TTLL1: variants seen among roughly 807,000 people sequenced by gnomAD.
TTLL1 encodes the protein polyglutamylase complex subunit TTLL1.
Under a neutral mutation model 47.8 loss-of-function variants are expected in TTLL1, and 33 were observed. The ratio of observed to expected loss-of-function variants is 0.69; its 90% CI spans 0.52 to 0.92. TTLL1 has a LOEUF of 0.92. Ranked by LOEUF, TTLL1 falls within the 40% of genes least tolerant of loss-of-function variation. The pLI is 0.00. For synonymous variants in TTLL1, 225 were observed against 214.1 expected (o/e 1.05, Z -0.45); for missense variants, 488 against 547.5 (o/e 0.89, Z 1.08).
At position 43,088,324 on chromosome 22, in the gene TTLL1, C is replaced by CTTTTTT. The variant is rs1167618669; in HGVS notation, c.-90+947_-90+952dup. 1.0e-3 allele frequency among the ~76,000 whole-genome samples: 59 copies of CTTTTTT among 56,488 alleles called. 5 individuals carry two copies. Among genetic ancestry groups the CTTTTTT allele is most frequent in the African/African-American group, 2.5e-3 (34 of 13,660 alleles). 37.1% of individuals were successfully genotyped at this position (56,488 alleles called of 152,430 possible). On this transcript the variant is annotated intron_variant, in intron 1 of 10. Transcript: ENST00000266254. ...AATTTGAGGGCAGAGAAGGGCCCAT[C>CTTTTTT]TTTTTTTTTTTTTTTTTTTTTTTTT...
chr22:43,080,610 G>A (rs1190476545), intron 1 of TTLL1, among the ~76,000 whole-genome samples: 1 of 151,866 alleles, frequency 6.6e-6, no homozygotes, highest in East Asian at 1.9e-4. Flanking sequence ...CCTCCCACCT[G>A]CAAGCCTGTG....
At chr22:43,064,033 C>T (rs970978595) in intron 6 of TTLL1, 112 bp from the exon 7 acceptor site, 43 of 1,468,116 alleles carry the variant, frequency 2.9e-5, no homozygotes, top group Admixed American at 3.7e-5. Context: ...CGACTCACAT[C>T]GGCATCGGGC....
chr22:43,044,568 T>C (rs1023346920), intron 10 of TTLL1, among the ~76,000 whole-genome samples: 1 of 152,224 alleles, frequency 6.6e-6, no homozygotes, highest in African/African-American at 2.4e-5. Flanking sequence ...ATTTTTGCTG[T>C]GACAGAAGCA....
chr22:43,088,898 C>T (rs577205651), intron 1 of TTLL1, among the ~76,000 whole-genome samples: 1 of 152,322 alleles, frequency 6.6e-6, no homozygotes, highest in South Asian at 2.1e-4. Flanking sequence ...ACACAAGGCT[C>T]TTGTCTCCTG....
chr22:43,057,817 T>C (rs1927120419), intron 8 of TTLL1, among the ~76,000 whole-genome samples: 1 of 152,038 alleles, frequency 6.6e-6, no homozygotes, highest in Non-Finnish European at 1.5e-5. Flanking sequence ...GAAGATTTCA[T>C]GGGCTTTGGG....
intron 9 of TTLL1, 127 bp from the exon 10 acceptor site, chr22:43,046,700 G>T (rs1441335670): frequency 1.3e-5 from 15 of 1,111,132 alleles, no homozygotes; most frequent in Non-Finnish European, 1.8e-5. Context: ...ACAGAGTTTC[G>T]CTCTTGTTGC....
intron 10 of TTLL1, among the ~76,000 whole-genome samples, chr22:43,045,622 T>C (rs58801561): frequency 0.13 from 19,134 of 151,816 alleles, 1,689 homozygotes; most frequent in East Asian, 0.42. Flanking sequence ...ATTATACCAA[T>C]TTAAAGGTGG....
At chr22:43,065,989 T>C (rs955228721) in intron 5 of TTLL1, among the ~76,000 whole-genome samples, 1 of 151,616 alleles carries the variant, frequency 6.6e-6, no homozygotes, top group Non-Finnish European at 1.5e-5. Flanking sequence ...TGAAACCCTG[T>C]CTCTACTAAA....
chr22:43,053,967 C>G (rs937329829), intron 8 of TTLL1, among the ~76,000 whole-genome samples: 5 of 152,184 alleles, frequency 3.3e-5, no homozygotes, highest in African/African-American at 4.8e-5. Context: ...CACACAGTCA[C>G]GTGTCAACCG....
At chr22:43,088,386 G>C (rs1052577980) in intron 1 of TTLL1, among the ~76,000 whole-genome samples, 1 of 135,466 alleles carries the variant, frequency 7.4e-6, no homozygotes, top group Non-Finnish European at 1.5e-5. Context: ...GCCCAGGCTG[G>C]AGTGCAGTGG....
intron 2 of TTLL1, among the ~76,000 whole-genome samples, chr22:43,076,748 C>T (rs2146988219): frequency 6.6e-6 from 1 of 151,054 alleles, no homozygotes; most frequent in Non-Finnish European, 1.5e-5. Context: ...GAGACTCCAT[C>T]TCAAAATAAT....
intron 5 of TTLL1, among the ~76,000 whole-genome samples, chr22:43,065,661 C>T (rs1485853438): frequency 3.3e-5 from 5 of 151,994 alleles, no homozygotes; most frequent in African/African-American, 1.2e-4. Context: ...CAGCTCACTG[C>T]AGTCTCCTGG....
intron 2 of TTLL1, among the ~76,000 whole-genome samples, chr22:43,076,627 T>G (rs553670671): frequency 6.6e-6 from 1 of 150,568 alleles, no homozygotes; most frequent in Non-Finnish European, 1.5e-5. Context: ...GGCATGCGCC[T>G]GTAATCCCAG....
chr22:43,040,407 C>T (rs1320878428), intron 10 of TTLL1: 7 of 153,606 alleles, frequency 4.6e-5, no homozygotes, highest in Admixed American at 1.9e-4. Flanking sequence ...GGTGCACACT[C>T]AGCTAGAGAC....
At chr22:43,069,557 C>T (rs1569437083) in intron 4 of TTLL1, 79 bp downstream of exon 4, 4 of 1,589,006 alleles carry the variant, frequency 2.5e-6, no homozygotes, top group Non-Finnish European at 1.7e-6. Flanking sequence ...AGCCAACAGT[C>T]ACCACCTCAG....
chr22:43,052,628 C>A (rs1037996567), intron 8 of TTLL1, among the ~76,000 whole-genome samples: 2 of 152,080 alleles, frequency 1.3e-5, no homozygotes, highest in Non-Finnish European at 2.9e-5. Flanking sequence ...TTAGTCCCAG[C>A]TACTCGGGAC....
At chr22:43,076,805 A>T (rs1371747854) in intron 2 of TTLL1, among the ~76,000 whole-genome samples, 1 of 151,380 alleles carries the variant, frequency 6.6e-6, no homozygotes, top group Non-Finnish European at 1.5e-5. Flanking sequence ...TAATTTTTTA[A>T]CAAGTGTTTA....
chr22:43,070,568 C>T (rs1047256589), intron 3 of TTLL1, among the ~76,000 whole-genome samples: 7 of 152,088 alleles, frequency 4.6e-5, no homozygotes, highest in South Asian at 4.1e-4. Flanking sequence ...AGAGGGTGCC[C>T]GGAGCCCCCG....
chr22:43,086,814 C>T (rs772525853), intron 1 of TTLL1, among the ~76,000 whole-genome samples: 1 of 152,232 alleles, frequency 6.6e-6, no homozygotes, highest in Non-Finnish European at 1.5e-5. Flanking sequence ...ACTCTTCTCA[C>T]TCCACTACAA....
Sources: gnomAD v4.1 joint callset for allele counts (sites outside exome capture counted in the v4.1 genomes callset) on GRCh38, gnomAD v4.1.1 for gene constraint, MANE v1.5 for transcripts, NCBI Gene and HGNC (gene_info 2026-07-23, HGNC 2026-07-21) for gene names.